EEA1: variants seen among roughly 807,000 people sequenced by gnomAD.
EEA1 encodes the protein early endosome antigen 1.
EEA1 carries 111 observed loss-of-function variants against 209.2 expected under a neutral mutation model. The observed-to-expected ratio is 0.53, with a 90% CI of 0.45 to 0.62. EEA1 has a LOEUF of 0.62. EEA1 is among the 20% of genes least tolerant of loss of function. The pLI is 0.00. For missense variants in EEA1, 1,343 were observed against 1,530.8 expected, an observed-to-expected ratio of 0.88 and a Z score of 2.05; for synonymous variants, 536 against 540.6, an observed-to-expected ratio of 0.99 and a Z score of 0.12.
At chr12:92,849,199 A>C (rs192233842) in intron 9 of EEA1, among the ~76,000 whole-genome samples, 1 of 152,290 alleles carries the variant, frequency 6.6e-6, no homozygotes, top group East Asian at 1.9e-4. Context: ...TAGTCACCAT[A>C]ATACATTTAT....
intron 21 of EEA1, among the ~76,000 whole-genome samples, chr12:92,788,617 A>G (rs1257437999): frequency 6.6e-6 from 1 of 152,232 alleles, no homozygotes; most frequent in Non-Finnish European, 1.5e-5. Flanking sequence ...ATATGCACAA[A>G]TTATGACATA....
intron 8 of EEA1, among the ~76,000 whole-genome samples, 188 bp from the exon 9 acceptor site, chr12:92,851,454 T>C (rs1414499851): frequency 6.6e-6 from 1 of 152,212 alleles, no homozygotes; most frequent in Non-Finnish European, 1.5e-5. Context: ...CTACCTCATA[T>C]TTAATAGTAT....
chr12:92,781,535 A>G (rs1475855564), intron 23 of EEA1, among the ~76,000 whole-genome samples: 1 of 152,228 alleles, frequency 6.6e-6, no homozygotes, highest in Admixed American at 6.5e-5. Flanking sequence ...GAAACTTAAT[A>G]AACTCCTTAG....
At chr12:92,847,483 CAAAT>C (rs1422630228) in intron 9 of EEA1, among the ~76,000 whole-genome samples, 1 of 151,838 alleles carries the variant, frequency 6.6e-6, no homozygotes, top group Non-Finnish European at 1.5e-5. Context: ...CAGTTATAAA[CAAAT>C]AAATGAGATG....
chr12:92,902,609 C>T (rs138646322), intron 1 of EEA1, among the ~76,000 whole-genome samples: 3,234 of 152,006 alleles, frequency 0.021, 123 homozygotes, highest in African/African-American at 0.075. Flanking sequence ...GGTGTGGTGG[C>T]GGGCGCTTGT....
chr12:92,818,477 A>C (rs1875899081), intron 14 of EEA1, among the ~76,000 whole-genome samples: 1 of 152,228 alleles, frequency 6.6e-6, no homozygotes, highest in South Asian at 2.1e-4. Flanking sequence ...GGCCAGAAAC[A>C]GATTTATTTT....
At chr12:92,854,645 C>T (rs1421383685) in intron 5 of EEA1, among the ~76,000 whole-genome samples, 1 of 152,218 alleles carries the variant, frequency 6.6e-6, no homozygotes, top group Non-Finnish European at 1.5e-5. Flanking sequence ...AGACTGGCAG[C>T]TCATGCTGCA....
At chr12:92,872,075 G>T (rs1355279673) in intron 2 of EEA1, among the ~76,000 whole-genome samples, 1 of 141,912 alleles carries the variant, frequency 7.0e-6, no homozygotes, top group African/African-American at 2.6e-5. Context: ...TTGAGACGGA[G>T]TCTCACTCTG....
In EEA1 at chr12:92,801,751, TAAG is replaced by T. The variant is rs780475200; in HGVS notation, c.2671-53_2671-51del. Reference sequence around the variant, plus strand: ...ACATAAAAAATATTTGTAATAACCTTAAGAAGTTTAGTTTATAACCTTAGTAAG... The same window carrying T: ...ACATAAAAAATATTTGTAATAACCTTAAGTTTAGTTTATAACCTTAGTAAG... On this transcript the variant is annotated intron_variant, in intron 19 of 28. Transcript: ENST00000322349. 3.7e-5 allele frequency: 49 copies of T among 1,307,080 alleles called. No individual in the cohort carries two copies. The African/African-American group carries it at 6.8e-4, about 18-fold the overall frequency. 81.0% of individuals were successfully genotyped at this position (1,307,080 alleles called of 1,614,324 possible).
At chr12:92,835,625 C>G (rs1007268742) in intron 10 of EEA1, among the ~76,000 whole-genome samples, 1 of 151,310 alleles carries the variant, frequency 6.6e-6, no homozygotes, top group African/African-American at 2.4e-5. Flanking sequence ...GTTGGCCAAG[C>G]TGGTCTCGAT....
chr12:92,926,204 G>C (rs1881208029), intron 1 of EEA1, among the ~76,000 whole-genome samples: 1 of 151,910 alleles, frequency 6.6e-6, no homozygotes. Context: ...TGTTGGTCAG[G>C]CTGGTCTCGA....
intron 1 of EEA1, among the ~76,000 whole-genome samples, chr12:92,914,650 G>C (rs1166710841): frequency 6.6e-6 from 1 of 151,578 alleles, no homozygotes; most frequent in Non-Finnish European, 1.5e-5. Flanking sequence ...AACATAACAA[G>C]ACCTTGTCTC....
chr12:92,785,123 C>G (rs1874074610), intron 22 of EEA1, among the ~76,000 whole-genome samples: 1 of 150,768 alleles, frequency 6.6e-6, no homozygotes, highest in South Asian at 2.1e-4. Context: ...ATATTTAATT[C>G]TAAATCTATT....
chr12:92,898,548 C>T (rs1193716809), intron 1 of EEA1, among the ~76,000 whole-genome samples: 1 of 151,728 alleles, frequency 6.6e-6, no homozygotes, highest in Non-Finnish European at 1.5e-5. Flanking sequence ...CCTGTAATCC[C>T]AGCTATTCGG....
chr12:92,884,663 T>C, intron 2 of EEA1: 2 of 1,296,876 alleles, frequency 1.5e-6, no homozygotes, highest in South Asian at 2.3e-5. Context: ...CTATGGTGGT[T>C]CCAGTAGCAG....
chr12:92,913,423 C>T (rs577123088), intron 1 of EEA1, among the ~76,000 whole-genome samples: 3 of 152,016 alleles, frequency 2.0e-5, no homozygotes, highest in East Asian at 1.9e-4. Context: ...ATGTAGATTC[C>T]GGATGTTAGT....
At chr12:92,785,010 G>A (rs1286981350) in intron 22 of EEA1, among the ~76,000 whole-genome samples, 2 of 125,406 alleles carry the variant, frequency 1.6e-5, no homozygotes, top group Non-Finnish European at 3.3e-5. Flanking sequence ...TATTCAGCAA[G>A]TTTTCCCATA....
In EEA1 at chr12:92,785,876, G is replaced by A. The variant is rs184115022; in HGVS notation, c.3150+1991C>T. On this transcript the variant is annotated intron_variant, in intron 22 of 28. Coordinates refer to ENST00000322349, the MANE Select transcript of EEA1 (RefSeq NM_003566.4). ...TCTCTTTTTGCCCATATTTACATTT[G>A]AGTTATTCTTTCATGTATGAAATTA... Among the ~76,000 whole-genome samples, 34 of 152,170 alleles carry A rather than the reference G, an allele frequency of 2.2e-4. 1 individual carries two copies. The East Asian group carries it at 6.0e-3, about 27-fold the overall frequency.
At chr12:92,786,046 G>C (rs890449750) in intron 22 of EEA1, among the ~76,000 whole-genome samples, 2 of 152,154 alleles carry the variant, frequency 1.3e-5, no homozygotes, top group African/African-American at 4.8e-5. Context: ...TATGGAAAGA[G>C]TGTGATTTCT....
Sources: gnomAD v4.1 joint callset for allele counts (sites outside exome capture counted in the v4.1 genomes callset) on GRCh38, gnomAD v4.1.1 for gene constraint, MANE v1.5 for transcripts, NCBI Gene and HGNC (gene_info 2026-07-23, HGNC 2026-07-21) for gene names.